FOCAD: variants seen among roughly 807,000 people sequenced by gnomAD.
FOCAD encodes the protein KIAA1797.
FOCAD carries 198 observed loss-of-function variants against 225.6 expected under a neutral mutation model. The observed-to-expected ratio is 0.88, with a 90% CI of 0.78 to 0.99. FOCAD has a LOEUF of 0.99. Among genes scored for constraint, FOCAD ranks in the 50% least tolerant of loss-of-function variants. The probability of loss-of-function intolerance (pLI) is 0.00; values close to 1 mark genes in which losing one functional copy is unlikely to be tolerated. For synonymous variants in FOCAD, 897 were observed against 755.0 expected (o/e 1.19, Z -3.08); for missense variants, 2,713 against 2,123.6 (o/e 1.28, Z -5.46).
intron 1 of FOCAD, among the ~76,000 whole-genome samples, chr9:20,691,464 TATTA>T (rs994656302): frequency 4.0e-5 from 6 of 151,634 alleles, no homozygotes; most frequent in Admixed American, 1.3e-4. Context: ...TATTATTATT[TATTA>T]ATTAATTAAT....
At chr9:20,704,742 C>A (rs769574316) in intron 1 of FOCAD, among the ~76,000 whole-genome samples, 1 of 152,176 alleles carries the variant, frequency 6.6e-6, no homozygotes, top group Admixed American at 6.5e-5. Context: ...TTGCTGCTCA[C>A]TTTATGACAC....
intron 10 of FOCAD, among the ~76,000 whole-genome samples, chr9:20,782,993 C>T (rs1446801513): frequency 1.3e-5 from 2 of 152,188 alleles, no homozygotes; most frequent in Non-Finnish European, 2.9e-5. Flanking sequence ...AATAGGAGTA[C>T]AAAATCCGAT....
chr9:20,966,042 A>G (rs1429002563), intron 35 of FOCAD, among the ~76,000 whole-genome samples: 1 of 152,080 alleles, frequency 6.6e-6, no homozygotes, highest in Non-Finnish European at 1.5e-5. Context: ...CTTGGTGTAT[A>G]TATATATCTA....
At chr9:20,694,703 A>G (rs942308337) in intron 1 of FOCAD, 6 of 152,326 alleles carry the variant, frequency 3.9e-5, no homozygotes, top group Admixed American at 1.3e-4. Context: ...CTTAATTTCA[A>G]CAACATCAAC....
chr9:20,981,592 A>G lies in FOCAD; in HGVS notation c.4544A>G (p.Gln1515Arg), dbSNP rs749801837. ...CCAAGTGCTTTACACGGTCTGAGCC[A>G]GGCCATGAAACTGCCCAGCCCTGCC... ...LCPSALHGLS[Q>R]AMKLPSPAHH... The change falls in exon 38 of 44, where the codon CAG becomes CGG. Residue 1515 changes from glutamine to arginine, a missense_variant. By Grantham distance (43) the Gln-to-Arg change is conservative. Coordinates refer to ENST00000338382, the MANE Select transcript of FOCAD (RefSeq NM_001375567.1). The G allele has an allele frequency of 4.3e-6, 7 of 1,613,982 alleles. No homozygotes were observed. In the South Asian group the frequency reaches 4.4e-5, roughly 10 times the overall value.
At chr9:20,736,557 G>C (rs1401358350) in intron 4 of FOCAD, among the ~76,000 whole-genome samples, 1 of 152,176 alleles carries the variant, frequency 6.6e-6, no homozygotes, top group Non-Finnish European at 1.5e-5. Flanking sequence ...GAGTTAGGAT[G>C]AGTTTGTAGT....
Position 20,885,167 on chromosome 9 carries a change from G to T in FOCAD, c.2562G>T (p.Leu854Phe). The T allele has an allele frequency of 6.5e-7, 1 of 1,548,402 alleles. No homozygotes were observed. The highest frequency in any genetic ancestry group is 1.3e-5 in the South Asian group (1 of 77,676). ...ATCAGAGTAAAGATGGAAAACCATT[G>T]AACAGACTGATGGCCAGCAGAGGGC... The part of the protein sequence containing the change: ...SMYQSKDGKP[L>F]NRLMASRGRS... The change falls in exon 21 of 44, where the codon TTG (leucine) becomes TTT (phenylalanine). Residue 854 changes from leucine to phenylalanine, a missense_variant. Coordinates refer to ENST00000338382, the MANE Select transcript of FOCAD (RefSeq NM_001375567.1).
At chr9:20,993,401 C>G in intron 43 of FOCAD, 73 bp downstream of exon 43, 1 of 1,272,030 alleles carries the variant, frequency 7.9e-7, no homozygotes, top group Non-Finnish European at 1.1e-6. Flanking sequence ...GAATGGCATT[C>G]TAGTGGTTGC....
rs1337827218 is a variant in FOCAD, at chr9:20,789,022, C to CT, written c.1198-323dup. Among the ~76,000 whole-genome samples, 6 of 151,688 alleles carry CT rather than the reference C, an allele frequency of 4.0e-5. No homozygotes were observed. The East Asian group carries it at 1.2e-3, about 29-fold the overall frequency. On this transcript the variant is annotated intron_variant, in intron 10 of 43. Coordinates refer to ENST00000338382, the MANE Select transcript of FOCAD (RefSeq NM_001375567.1). ...TAATCTTTCTTCTCATTGGTGAATA[C>CT]TTTTTTAGTGATAATGGCTTTTTCC...
intron 19 of FOCAD, chr9:20,875,892 C>G (rs1830185597): frequency 6.6e-6 from 1 of 152,052 alleles, no homozygotes; most frequent in Non-Finnish European, 1.5e-5. Flanking sequence ...TGTTACAATT[C>G]TACTTTGAAT....
At position 20,912,939 on chromosome 9, in the gene FOCAD, G is replaced by A. The variant is rs774452281; in HGVS notation, c.2792G>A (p.Ser931Asn). ...CCTGAGGAGGTGCAGTACAAAAAAA[G>A]CACAGCCTGGCTCTGGTAAGTGTTC... ...EEPEEVQYKK[S>N]TAWLWVRDML... Residue 931 changes from serine to asparagine, a missense_variant, in exon 23 of 44, where the codon AGC becomes AAC. Transcript: ENST00000338382. The A allele has an allele frequency of 1.2e-6, 2 of 1,612,672 alleles. No individual in the cohort carries two copies. Among genetic ancestry groups the A allele is most frequent in the Non-Finnish European group, 1.7e-6 (2 of 1,179,194 alleles).
At chr9:20,747,401 CTGAGT>C (rs953926086) in intron 5 of FOCAD, among the ~76,000 whole-genome samples, 13 of 152,158 alleles carry the variant, frequency 8.5e-5, no homozygotes, top group African/African-American at 2.4e-4. Context: ...TAGTATGTGG[CTGAGT>C]TAAGTCTGAA....
intron 43 of FOCAD, among the ~76,000 whole-genome samples, 182 bp from the exon 44 acceptor site, chr9:20,995,374 A>C (rs72705903): frequency 1.4e-4 from 20 of 147,930 alleles, no homozygotes; most frequent in East Asian, 2.0e-4. Context: ...AAAAAAAAAA[A>C]AAACAACTTT....
Position 20,951,059 on chromosome 9 carries a change from C to T in FOCAD, c.4012C>T (p.His1338Tyr), listed in dbSNP as rs1837642417. ...TGCAGTCTGGCTTCTTGGACATCTT[C>T]ATCTATCTACTCTATCCTCAAGTCA... Reference protein sequence around the residue: ...SNAVWLLGHLHLSTLSSSQSR... With the variant: ...SNAVWLLGHLYLSTLSSSQSR... Residue 1338 changes from histidine (H) to tyrosine (Y), a missense_variant, in exon 34 of 44, where the codon CAT becomes TAT. Transcript: ENST00000338382. 1 of 1,613,604 alleles carries T rather than the reference C, an allele frequency of 6.2e-7. No individual in the cohort carries two copies. Among genetic ancestry groups the T allele is most frequent in the Non-Finnish European group, 8.5e-7 (1 of 1,179,612 alleles).
chr9:20,715,422 T>G lies in FOCAD; in HGVS notation c.57+12T>G, dbSNP rs1825251518. ...TTATCCAATCACAGGTAATTTTGTT[T>G]GTTTATTTTTGCTCATGGTAACAAA... On this transcript the variant is annotated intron_variant, in intron 2 of 43. Coordinates refer to ENST00000338382, the MANE Select transcript of FOCAD (RefSeq NM_001375567.1). 1 of 1,483,124 alleles carries G rather than the reference T, an allele frequency of 6.7e-7. No homozygotes were observed. Among genetic ancestry groups the G allele is most frequent in the African/African-American group, 1.4e-5 (1 of 72,020 alleles). 91.9% of individuals were successfully genotyped at this position (1,483,124 alleles called of 1,614,324 possible).
chr9:20,939,132 A>G (rs1345675364), intron 28 of FOCAD, among the ~76,000 whole-genome samples: 1 of 110,080 alleles, frequency 9.1e-6, no homozygotes, highest in Non-Finnish European at 1.9e-5. Context: ...CCTGGGCGAC[A>G]GAGCGAGACT....
intron 41 of FOCAD, among the ~76,000 whole-genome samples, chr9:20,989,280 ACTTTTTAAACT>A (rs1841451591): frequency 6.6e-6 from 1 of 152,180 alleles, no homozygotes; most frequent in African/African-American, 2.4e-5. Flanking sequence ...ATTAGGAAGT[ACTTTTTAAACT>A]TTTTTTGAAC....
intron 22 of FOCAD, among the ~76,000 whole-genome samples, chr9:20,911,949 C>G (rs976832125): frequency 2.6e-5 from 4 of 152,090 alleles, no homozygotes; most frequent in African/African-American, 7.2e-5. Context: ...CTCAATCTCA[C>G]TAGTAAACAA....
At chr9:20,802,886 A>T (rs1821999394) in intron 11 of FOCAD, among the ~76,000 whole-genome samples, 1 of 152,202 alleles carries the variant, frequency 6.6e-6, no homozygotes, top group Non-Finnish European at 1.5e-5. Context: ...GTTCATTAAC[A>T]TATCAGCAGG....
Sources: gnomAD v4.1 joint callset for allele counts (sites outside exome capture counted in the v4.1 genomes callset) on GRCh38, gnomAD v4.1.1 for gene constraint, MANE v1.5 for transcripts, NCBI Gene and HGNC (gene_info 2026-07-23, HGNC 2026-07-21) for gene names.